Variants in TEX36 observed in about 807,000 individuals in gnomAD.
TEX36 encodes the protein testis-expressed protein 36.
A neutral mutation model predicts 13.6 loss-of-function variants in TEX36; 12 were observed. The ratio of observed to expected loss-of-function variants is 0.88; its 90% confidence interval spans 0.56 to 1.43. The LOEUF (loss-of-function observed/expected upper bound fraction) is 1.43, where lower values mean the gene tolerates loss of function less well. Ranked by LOEUF, TEX36 falls within the 40% of genes most tolerant of loss-of-function variation. TEX36 has a pLI of 0.00. For synonymous variants in TEX36, 93 were observed against 83.0 expected (o/e 1.12, Z -0.65); for missense variants, 224 against 228.3 (o/e 0.98, Z 0.12).
At chr10:125,587,145 A>G (rs147678729) in intron 3 of TEX36, among the ~76,000 whole-genome samples, 2 of 151,924 alleles carry the variant, frequency 1.3e-5, no homozygotes, top group East Asian at 1.9e-4. Context: ...AGCCAATTAA[A>G]CCTCTTTTCT....
At position 125,679,800 on chromosome 10, in the gene TEX36, G is replaced by C. The variant is rs1400577204; in HGVS notation, c.51+3139C>G. On this transcript the variant is annotated intron_variant, in intron 1 of 3. Coordinates refer to ENST00000368821, the MANE Select transcript of TEX36 (RefSeq NM_001128202.3). ...ATTTTGGTTCTTCTAAGTGGGATAG[G>C]CGGGCACGCAATGCTTCTAGTCAGC... 2.0e-5 allele frequency among the ~76,000 whole-genome samples: 3 copies of C among 152,274 alleles called. No individual in the cohort carries two copies. In the South Asian group the frequency reaches 6.2e-4, roughly 32 times the overall value.
chr10:125,650,499 T>C (rs532028182), intron 3 of TEX36, among the ~76,000 whole-genome samples: 21 of 152,256 alleles, frequency 1.4e-4, no homozygotes, highest in Admixed American at 1.2e-3. Flanking sequence ...TTTAAAGCAG[T>C]GTGTAGAGGG....
At chr10:125,652,057 G>A (rs1474565489), downstream of TEX36, among the ~76,000 whole-genome samples, 1 of 152,164 alleles carries the variant, frequency 6.6e-6, no homozygotes, top group African/African-American at 2.4e-5. Context: ...TGTGAAAACG[G>A]CCTTACTGCC....
chr10:125,611,876 C>T (rs2133551759), intron 3 of TEX36, among the ~76,000 whole-genome samples: 1 of 151,978 alleles, frequency 6.6e-6, no homozygotes, highest in South Asian at 2.1e-4. Context: ...CAGGTCTCTG[C>T]TTGTGTTTTT....
intron 3 of TEX36, among the ~76,000 whole-genome samples, chr10:125,615,125 T>C (rs887082446): frequency 1.3e-5 from 2 of 152,170 alleles, no homozygotes; most frequent in African/African-American, 2.4e-5. Flanking sequence ...TTTTTGTACA[T>C]TGATTTTGTA....
downstream of TEX36, among the ~76,000 whole-genome samples, chr10:125,617,931 A>G (rs1179163022): frequency 6.6e-6 from 1 of 152,154 alleles, no homozygotes; most frequent in Non-Finnish European, 1.5e-5. Flanking sequence ...CACCAATCAG[A>G]TGTAGATTTG....
At chr10:125,673,699 A>C (rs1847267558) in intron 1 of TEX36, among the ~76,000 whole-genome samples, 1 of 128,848 alleles carries the variant, frequency 7.8e-6, no homozygotes, top group Non-Finnish European at 1.6e-5. Flanking sequence ...GACGAGAGAG[A>C]GACTCTCTCT....
intron 3 of TEX36, among the ~76,000 whole-genome samples, chr10:125,636,015 A>G (rs1291434593): frequency 6.6e-6 from 1 of 151,904 alleles, no homozygotes; most frequent in Non-Finnish European, 1.5e-5. Context: ...CTGGGATTAC[A>G]GGTGCACACT....
chr10:125,622,423 C>T (rs1846437733), intron 3 of TEX36, among the ~76,000 whole-genome samples: 1 of 152,216 alleles, frequency 6.6e-6, no homozygotes, highest in African/African-American at 2.4e-5. Flanking sequence ...TTACAGTCTT[C>T]ATTTCTACAA....
chr10:125,628,862 G>A (rs564368752), intron 3 of TEX36, among the ~76,000 whole-genome samples: 1 of 152,328 alleles, frequency 6.6e-6, no homozygotes, highest in East Asian at 1.9e-4. Context: ...CTGTGGTAGG[G>A]GGGACAGAAG....
downstream of TEX36, among the ~76,000 whole-genome samples, chr10:125,654,059 C>G (rs557671888): frequency 6.6e-6 from 1 of 151,696 alleles, no homozygotes; most frequent in Non-Finnish European, 1.5e-5. Flanking sequence ...CAATAAGATG[C>G]GAAAAATATA....
chr10:125,622,148 C>A (rs1465361108), intron 3 of TEX36, among the ~76,000 whole-genome samples: 1 of 152,182 alleles, frequency 6.6e-6, no homozygotes, highest in Non-Finnish European at 1.5e-5. Flanking sequence ...GTCCTGAAAT[C>A]ATACTTAATC....
At chr10:125,584,726 C>G (rs1178343459) in intron 3 of TEX36, among the ~76,000 whole-genome samples, 1 of 152,228 alleles carries the variant, frequency 6.6e-6, no homozygotes. Context: ...TGTAAGAATG[C>G]AGCAGCAAGA....
chr10:125,659,474 A>G (rs1006166088), intron 3 of TEX36, among the ~76,000 whole-genome samples: 2 of 152,226 alleles, frequency 1.3e-5, no homozygotes, highest in African/African-American at 4.8e-5. Flanking sequence ...TTTTAATTTT[A>G]TACAATTCTG....
chr10:125,661,213 A>T lies in TEX36; in HGVS notation c.184-112T>A, dbSNP rs1565187577. 5 of 814,608 alleles carry T rather than the reference A, an allele frequency of 6.1e-6. No individual in the cohort carries two copies. In the East Asian group the frequency reaches 1.3e-4, roughly 22 times the overall value. The allele number at this position is 814,608 out of a possible 1,614,324, so 50.5% of individuals were successfully genotyped here. On this transcript the variant is annotated intron_variant, in intron 2 of 3. Coordinates refer to ENST00000368821, the MANE Select transcript of TEX36 (RefSeq NM_001128202.3). ...GGATGAGGCAAAGCGACCTCTAAGA[A>T]AGACAATGAAACCTGGCCCCAGAGA...
chr10:125,675,387 C>T (rs779566652), intron 1 of TEX36, among the ~76,000 whole-genome samples: 2 of 151,402 alleles, frequency 1.3e-5, no homozygotes, highest in Non-Finnish European at 3.0e-5. Context: ...CTGGGGAGTT[C>T]AGTCGTCTTA....
At chr10:125,596,827 C>A (rs1286727509) in intron 3 of TEX36, among the ~76,000 whole-genome samples, 1 of 152,174 alleles carries the variant, frequency 6.6e-6, no homozygotes, top group Non-Finnish European at 1.5e-5. Flanking sequence ...TCAAGCACAG[C>A]TCAATATAAC....
intron 3 of TEX36, among the ~76,000 whole-genome samples, chr10:125,647,323 C>CGG (rs1555004358): frequency 4.0e-5 from 6 of 151,856 alleles, no homozygotes; most frequent in African/African-American, 9.7e-5. Context: ...TCATTTTACT[C>CGG]TTAAAATATG....
chr10:125,618,756 C>T (rs1010930379), downstream of TEX36, among the ~76,000 whole-genome samples: 2 of 151,924 alleles, frequency 1.3e-5, no homozygotes, highest in Non-Finnish European at 2.9e-5. Context: ...AGAATAGATG[C>T]AAGCCAAGGG....
Sources: allele counts gnomAD v4.1 joint callset (sites outside exome capture counted in the v4.1 genomes callset), GRCh38; gene constraint gnomAD v4.1.1; transcripts MANE v1.5; gene names NCBI Gene and HGNC (gene_info 2026-07-23, HGNC 2026-07-21).